ARHGAP10: variants seen among roughly 807,000 people sequenced by gnomAD.
The protein encoded by ARHGAP10 is rho GTPase-activating protein 10.
Under a neutral mutation model 108.6 loss-of-function variants are expected in ARHGAP10, and 87 were observed. That is an observed-to-expected ratio of 0.80 (90% CI 0.67 to 0.96). The LOEUF (loss-of-function observed/expected upper bound fraction) is 0.96. Ranked by LOEUF, ARHGAP10 falls within the 40% of genes least tolerant of loss-of-function variation. ARHGAP10 has a pLI of 0.00. For synonymous variants in ARHGAP10, 347 were observed against 341.1 expected (o/e 1.02, Z -0.19); for missense variants, 939 against 954.5 (o/e 0.98, Z 0.21).
intron 3 of ARHGAP10, among the ~76,000 whole-genome samples, chr4:147,835,285 G>C (rs912172720): frequency 6.6e-6 from 1 of 152,176 alleles, no homozygotes; most frequent in Non-Finnish European, 1.5e-5. Context: ...CTCTTAACCC[G>C]TGCATCACAG....
chr4:147,806,772 G>C (rs1196554479), intron 1 of ARHGAP10, among the ~76,000 whole-genome samples: 5 of 152,118 alleles, frequency 3.3e-5, no homozygotes, highest in Non-Finnish European at 7.3e-5. Context: ...TGCCATCATA[G>C]CTCACTACAA....
At chr4:147,786,799 C>T (rs962159169) in intron 1 of ARHGAP10, among the ~76,000 whole-genome samples, 2 of 152,186 alleles carry the variant, frequency 1.3e-5, no homozygotes, top group Non-Finnish European at 2.9e-5. Flanking sequence ...AGGTGGGTTA[C>T]AGAAATGAGT....
intron 1 of ARHGAP10, among the ~76,000 whole-genome samples, chr4:147,734,340 C>G (rs1329052335): frequency 6.6e-6 from 1 of 152,138 alleles, no homozygotes; most frequent in Non-Finnish European, 1.5e-5. Flanking sequence ...CAGCTTTCCT[C>G]CAGACTGTAG....
rs552021864 is a variant in ARHGAP10 at position 147,963,226 on chromosome 4, C to T, written c.1451-1798C>T. On this transcript the variant is annotated intron_variant, in intron 16 of 22. Coordinates refer to ENST00000336498, the MANE Select transcript of ARHGAP10 (RefSeq NM_024605.4). ...ATACCCTCGAAGAGCTGTCTCTGCA[C>T]AGGCTCTGTGCTTTTTGTCATGCTA... 1.0e-3 allele frequency among the ~76,000 whole-genome samples: 156 copies of T among 152,298 alleles called. 1 individual carries two copies. Among genetic ancestry groups the T allele is most frequent in the Non-Finnish European group, 1.8e-3 (121 of 68,028 alleles).
chr4:148,029,029 C>T lies in ARHGAP10; in HGVS notation c.1867+5616C>T, dbSNP rs765049372. Among the ~76,000 whole-genome samples, 81 of 152,080 alleles carry T rather than the reference C, an allele frequency of 5.3e-4. 1 individual carries two copies. Among genetic ancestry groups the T allele is most frequent in the Admixed American group, 3.3e-4 (5 of 15,268 alleles). ...TGCCATTTTGTTAGTGTGTTCAATACGTATTCTTATGCGTAACTGCTTTGA... is the reference window on the plus strand; with the variant it reads ...TGCCATTTTGTTAGTGTGTTCAATATGTATTCTTATGCGTAACTGCTTTGA... On this transcript the variant is annotated intron_variant, in intron 19 of 22. Transcript: ENST00000336498.
intron 1 of ARHGAP10, chr4:147,809,234 A>C (rs1731915645): frequency 6.6e-6 from 1 of 152,212 alleles, no homozygotes; most frequent in South Asian, 2.1e-4. Flanking sequence ...ACCATTCCTT[A>C]TTTAATTTTA....
At chr4:148,060,345 G>T (rs10027275) in intron 20 of ARHGAP10, among the ~76,000 whole-genome samples, 18,294 of 134,770 alleles carry the variant, frequency 0.14, 1,713 homozygotes, top group Non-Finnish European at 0.16. Flanking sequence ...CTCATGTTTA[G>T]TTTTTTTTTT....
intron 1 of ARHGAP10, among the ~76,000 whole-genome samples, chr4:147,806,223 A>C (rs188399763): frequency 1.6e-4 from 25 of 152,168 alleles, no homozygotes; most frequent in African/African-American, 6.0e-4. Context: ...GGTCGGATCA[A>C]ATTTACTCTA....
chr4:147,859,545 A>G (rs1268377977), intron 5 of ARHGAP10, among the ~76,000 whole-genome samples: 1 of 152,164 alleles, frequency 6.6e-6, no homozygotes, highest in Non-Finnish European at 1.5e-5. Flanking sequence ...AAGTGCTGGG[A>G]TTACAGGCAC....
intron 7 of ARHGAP10, among the ~76,000 whole-genome samples, chr4:147,869,349 T>TG (rs969903642): frequency 3.3e-5 from 5 of 152,046 alleles, no homozygotes; most frequent in Admixed American, 1.3e-4. Context: ...ACACACCTGT[T>TG]GGGGGGGCGT....
chr4:147,828,536 C>T (rs1480467045), intron 3 of ARHGAP10, among the ~76,000 whole-genome samples: 1 of 152,138 alleles, frequency 6.6e-6, no homozygotes, highest in Non-Finnish European at 1.5e-5. Flanking sequence ...TGAAAGAAGG[C>T]ATGTAATTTC....
intron 20 of ARHGAP10, among the ~76,000 whole-genome samples, chr4:148,059,164 C>A (rs1025500998): frequency 4.6e-5 from 7 of 152,224 alleles, no homozygotes; most frequent in African/African-American, 1.7e-4. Flanking sequence ...AGAGAAGAAT[C>A]CTGTTTTAGG....
intron 1 of ARHGAP10, among the ~76,000 whole-genome samples, chr4:147,779,563 G>A (rs768442343): frequency 2.0e-5 from 3 of 152,164 alleles, no homozygotes; most frequent in Non-Finnish European, 4.4e-5. Flanking sequence ...AAGGCTGGAT[G>A]TTCAGTGAGG....
chr4:147,960,036 A>G (rs1003570119), intron 16 of ARHGAP10, among the ~76,000 whole-genome samples: 21 of 152,164 alleles, frequency 1.4e-4, no homozygotes, highest in Admixed American at 3.9e-4. Flanking sequence ...AATTTCTACT[A>G]TTTTGCAGAG....
intron 13 of ARHGAP10, among the ~76,000 whole-genome samples, chr4:147,937,635 A>G (rs561607313): frequency 1.3e-5 from 2 of 152,312 alleles, no homozygotes; most frequent in African/African-American, 4.8e-5. Context: ...CCTACTCACA[A>G]TAGCAAAGAC....
At chr4:148,035,403 T>C (rs1239666423) in intron 19 of ARHGAP10, among the ~76,000 whole-genome samples, 1 of 152,238 alleles carries the variant, frequency 6.6e-6, no homozygotes, top group Non-Finnish European at 1.5e-5. Flanking sequence ...GTTTTGTTTC[T>C]GTGCTTTTGG....
rs937675616 is a variant in ARHGAP10 at position 147,860,490 on chromosome 4, G to T, written c.486+2836G>T. Among the ~76,000 whole-genome samples the T allele has an allele frequency of 2.6e-5, 4 of 152,036 alleles. No individual in the cohort carries two copies. The East Asian group carries it at 7.7e-4, about 29-fold the overall frequency. On this transcript the variant is annotated intron_variant, in intron 5 of 22. Coordinates refer to ENST00000336498, the MANE Select transcript of ARHGAP10 (RefSeq NM_024605.4). Reference sequence around the variant, plus strand: ...CAAAAAAAACCAGGAGAAAATTGTGGCATATACCATGCTGGCTATTTTGGC... The same window carrying T: ...CAAAAAAAACCAGGAGAAAATTGTGTCATATACCATGCTGGCTATTTTGGC...
intron 1 of ARHGAP10, among the ~76,000 whole-genome samples, chr4:147,783,677 T>C (rs1161688598): frequency 7.8e-6 from 1 of 128,458 alleles, no homozygotes; most frequent in African/African-American, 3.8e-5. Flanking sequence ...GTGTATTGTA[T>C]AATTTATAGA....
At chr4:147,778,057 T>C (rs542551675) in intron 1 of ARHGAP10, among the ~76,000 whole-genome samples, 31 of 152,244 alleles carry the variant, frequency 2.0e-4, no homozygotes, top group African/African-American at 7.0e-4. Flanking sequence ...GCTTATACTT[T>C]AGGTGGAGGT....
Sources: gnomAD v4.1 joint callset for allele counts (sites outside exome capture counted in the v4.1 genomes callset) on GRCh38, gnomAD v4.1.1 for gene constraint, MANE v1.5 for transcripts, NCBI Gene and HGNC (gene_info 2026-07-23, HGNC 2026-07-21) for gene names.